Variants in ACTR6 observed in about 807,000 individuals in gnomAD.
ACTR6 encodes actin related protein 6.
ACTR6 carries 50 observed loss-of-function variants against 52.5 expected under a neutral mutation model. That is an observed-to-expected ratio of 0.95 (90% confidence interval 0.76 to 1.20). The LOEUF (loss-of-function observed/expected upper bound fraction) is 1.20, where lower values mean the gene tolerates loss of function less well. Ranked by LOEUF, ACTR6 falls within the 50% of genes most tolerant of loss-of-function variation. ACTR6 has a pLI of 0.00. For synonymous variants in ACTR6, 135 were observed against 147.2 expected (o/e 0.92, Z 0.60); for missense variants, 344 against 472.4 (o/e 0.73, Z 2.52).
intron 8 of ACTR6, among the ~76,000 whole-genome samples, chr12:100,217,073 T>C (rs2096124416): frequency 6.6e-6 from 1 of 152,210 alleles, no homozygotes; most frequent in African/African-American, 2.4e-5. Context: ...ACAAGTAATG[T>C]AGCCTTGCAG....
intron 10 of ACTR6, among the ~76,000 whole-genome samples, chr12:100,221,020 A>C (rs1227961348): frequency 1.3e-5 from 2 of 151,772 alleles, no homozygotes; most frequent in Non-Finnish European, 2.9e-5. Context: ...TGGCAAAAAA[A>C]AAAAAACAAA....
intron 10 of ACTR6, among the ~76,000 whole-genome samples, chr12:100,221,117 A>T (rs1205301368): frequency 6.6e-6 from 1 of 152,178 alleles, no homozygotes; most frequent in African/African-American, 2.4e-5. Flanking sequence ...ACAAGGGCTC[A>T]TGAGTTGGCA....
chr12:100,219,987 TCTC>T lies in ACTR6; in HGVS notation c.923-18_923-16del, dbSNP rs777274280. The T allele has an allele frequency of 6.8e-6, 11 of 1,610,376 alleles. No homozygotes were observed. The South Asian group carries it at 1.2e-4, about 18-fold the overall frequency. ...TTTCTAATGCCTTTTTTCCTTTCCT[TCTC>T]CTTTTCTTCTTTTAAAGAAATGCAG... is the stretch of plus-strand genomic sequence containing the variant. On this transcript the variant is annotated intron_variant, in intron 9 of 10. Coordinates refer to ENST00000188312, the MANE Select transcript of ACTR6 (RefSeq NM_022496.5).
rs139632581 is a variant in ACTR6, at chr12:100,222,290, G to C, written c.1062-1496G>C. Among the ~76,000 whole-genome samples, 486 of 132,378 alleles carry C rather than the reference G, an allele frequency of 3.7e-3. 20 individuals are homozygous for C. In the East Asian group the frequency reaches 0.085, roughly 23 times the overall value. 86.8% of individuals were successfully genotyped at this position (132,378 alleles called of 152,430 possible). On this transcript the variant is annotated intron_variant, in intron 10 of 10. Coordinates refer to ENST00000188312, the MANE Select transcript of ACTR6 (RefSeq NM_022496.5). ...TTTTTTTTTTTTGAGACACAGTCTC[G>C]CTCTGTTACCAGGCTGGAGTGCAGT...
intron 8 of ACTR6, among the ~76,000 whole-genome samples, chr12:100,216,655 GGTT>G (rs2153900750): frequency 6.6e-6 from 1 of 152,244 alleles, no homozygotes; most frequent in Non-Finnish European, 1.5e-5. Context: ...AACTATCTCA[GGTT>G]ATTTTGAATG....
intron 10 of ACTR6, 61 bp downstream of exon 10, chr12:100,220,207 TTGACTTGAGTTTAAAACC>T: frequency 6.5e-7 from 1 of 1,528,748 alleles, no homozygotes; most frequent in Non-Finnish European, 8.9e-7. Flanking sequence ...AGGTGGTCTG[TTGACTTGAGTTTAAAACC>T]TGGCTCTCCC....
intron 10 of ACTR6, among the ~76,000 whole-genome samples, chr12:100,222,872 T>A (rs2096129420): frequency 6.6e-6 from 1 of 152,184 alleles, no homozygotes; most frequent in Non-Finnish European, 1.5e-5. Context: ...ATTGTCTGTG[T>A]CTTCCCACAT....
chr12:100,208,597 C>T (rs748071812), intron 4 of ACTR6, among the ~76,000 whole-genome samples: 2 of 152,060 alleles, frequency 1.3e-5, no homozygotes, highest in African/African-American at 4.8e-5. Context: ...ACTAAATGGA[C>T]CCTTAGAGAT....
At chr12:100,201,014 C>A (rs2096109223) in intron 1 of ACTR6, 95 bp downstream of exon 1, 1 of 1,596,482 alleles carries the variant, frequency 6.3e-7, no homozygotes, top group African/African-American at 1.3e-5. Context: ...TGCAGACACC[C>A]CCGCGCGGCC....
At chr12:100,220,184 C>A (rs2096127028) in intron 10 of ACTR6, 38 bp downstream of exon 10, 3 of 1,576,300 alleles carry the variant, frequency 1.9e-6, no homozygotes, top group Non-Finnish European at 1.7e-6. Context: ...ACATGGAAGT[C>A]CACATGTAGA....
chr12:100,202,718 G>C (rs576073227), intron 1 of ACTR6, among the ~76,000 whole-genome samples: 1 of 152,060 alleles, frequency 6.6e-6, no homozygotes, highest in South Asian at 2.1e-4. Context: ...TTAGCCGGGC[G>C]TAGTGGCAGG....
At chr12:100,220,644 G>C (rs760754208) in intron 10 of ACTR6, among the ~76,000 whole-genome samples, 1 of 152,090 alleles carries the variant, frequency 6.6e-6, no homozygotes, top group Non-Finnish European at 1.5e-5. Flanking sequence ...TGTCTACCCT[G>C]TACAGTGTTA....
intron 8 of ACTR6, among the ~76,000 whole-genome samples, chr12:100,214,546 T>TGA (rs2096122472): frequency 6.9e-6 from 1 of 144,166 alleles, no homozygotes; most frequent in Non-Finnish European, 1.5e-5. Context: ...AGCAACAAAG[T>TGA]GAGACCCTGT....
intron 7 of ACTR6, 31 bp downstream of exon 7, chr12:100,212,385 A>G: frequency 1.3e-6 from 2 of 1,593,416 alleles, no homozygotes; most frequent in Non-Finnish European, 1.7e-6. Context: ...AGAATTGGAA[A>G]GTAGATTGTT....
intron 8 of ACTR6, among the ~76,000 whole-genome samples, chr12:100,214,811 G>A (rs1029694081): frequency 3.9e-5 from 6 of 152,140 alleles, no homozygotes; most frequent in Admixed American, 3.9e-4. Flanking sequence ...TTTCAGAAAT[G>A]GGAATTGAGA....
chr12:100,215,527 G>T (rs2096123297), intron 8 of ACTR6, among the ~76,000 whole-genome samples: 1 of 152,192 alleles, frequency 6.6e-6, no homozygotes, highest in African/African-American at 2.4e-5. Flanking sequence ...GTTATGGACT[G>T]TGTGGGCTTC....
At chr12:100,210,895 T>C (rs2096119317) in intron 6 of ACTR6, among the ~76,000 whole-genome samples, 1 of 152,300 alleles carries the variant, frequency 6.6e-6, no homozygotes, top group Admixed American at 6.5e-5. Context: ...CCCTACTCCT[T>C]TGTATTTGCT....
chr12:100,213,371 G>A (rs563139594), intron 8 of ACTR6, among the ~76,000 whole-genome samples: 1 of 152,250 alleles, frequency 6.6e-6, no homozygotes, highest in South Asian at 2.1e-4. Flanking sequence ...GATTACAGGC[G>A]TGAGCCACAG....
chr12:100,205,625 A>G lies in ACTR6; in HGVS notation c.187-51A>G, dbSNP rs563199129. The G allele has an allele frequency of 2.8e-4, 311 of 1,107,304 alleles. 1 individual carries two copies. The South Asian group carries it at 4.0e-3, about 14-fold the overall frequency. 68.6% of individuals were successfully genotyped at this position (1,107,304 alleles called of 1,614,324 possible). A position where few individuals can be genotyped will look rare whatever the true frequency, so the allele number is the denominator to read the frequency against. ...TTCAAATATTTATAATCTGATTTTT[A>G]AAAATTATTCAAATGTTCTTGATAA... On this transcript the variant is annotated intron_variant, in intron 2 of 10. Transcript: ENST00000188312.
Sources: allele counts gnomAD v4.1 joint callset (sites outside exome capture counted in the v4.1 genomes callset), GRCh38; gene constraint gnomAD v4.1.1; transcripts MANE v1.5; gene names NCBI Gene and HGNC (gene_info 2026-07-23, HGNC 2026-07-21).